ZNRF1: variants seen among roughly 807,000 people sequenced by gnomAD.
The protein encoded by ZNRF1 is zinc and ring finger 1, also known as E3 ubiquitin-protein ligase ZNRF1.
ZNRF1 carries 3 observed loss-of-function variants against 18.4 expected under a neutral mutation model. That is an observed-to-expected ratio of 0.16 (90% CI 0.07 to 0.42). The LOEUF is 0.42. Ranked by LOEUF, ZNRF1 falls within the 10% of genes least tolerant of loss-of-function variation. ZNRF1 has a pLI of 0.99. For missense variants in ZNRF1, 310 were observed against 329.8 expected (o/e 0.94, Z 0.47); for synonymous variants, 157 against 144.2 (o/e 1.09, Z -0.64).
At chr16:75,036,471 A>G (rs1209907912) in intron 1 of ZNRF1, among the ~76,000 whole-genome samples, 1 of 152,120 alleles carries the variant, frequency 6.6e-6, no homozygotes, top group Non-Finnish European at 1.5e-5. Context: ...CTTTGCCCCT[A>G]AACTGGAATG....
chr16:75,039,834 C>T (rs2035420114), intron 1 of ZNRF1, among the ~76,000 whole-genome samples: 1 of 152,076 alleles, frequency 6.6e-6, no homozygotes, highest in Admixed American at 6.5e-5. Context: ...TACAGTTCTA[C>T]CAGAAAGTAT....
intron 1 of ZNRF1, among the ~76,000 whole-genome samples, chr16:75,039,971 T>G (rs1014012222): frequency 1.3e-5 from 2 of 151,830 alleles, no homozygotes; most frequent in African/African-American, 4.8e-5. Flanking sequence ...ACATTATAAA[T>G]GTACAATGAG....
At chr16:75,036,583 T>C (rs888310565) in intron 1 of ZNRF1, among the ~76,000 whole-genome samples, 150 of 151,740 alleles carry the variant, frequency 9.9e-4, no homozygotes, top group African/African-American at 3.2e-3. Context: ...TTTTTTTTTT[T>C]CCCTCTCCTT....
At chr16:75,023,090 T>G (rs2035175068) in intron 1 of ZNRF1, among the ~76,000 whole-genome samples, 1 of 152,220 alleles carries the variant, frequency 6.6e-6, no homozygotes, top group African/African-American at 2.4e-5. Flanking sequence ...ATTGATTTTA[T>G]GCAGCTCTGT....
intron 1 of ZNRF1, among the ~76,000 whole-genome samples, chr16:75,033,317 T>C (rs967664271): frequency 4.0e-5 from 6 of 151,634 alleles, no homozygotes; most frequent in African/African-American, 1.5e-4. Context: ...TTTTATTGAA[T>C]TTAAGGATAA....
intron 1 of ZNRF1, among the ~76,000 whole-genome samples, chr16:75,048,401 G>A (rs1225520160): frequency 6.6e-6 from 1 of 152,132 alleles, no homozygotes; most frequent in Non-Finnish European, 1.5e-5. Context: ...ATATAAATTT[G>A]GGGAGGGACA....
At chr16:75,008,622 A>G (rs2034955059) in intron 1 of ZNRF1, among the ~76,000 whole-genome samples, 1 of 152,186 alleles carries the variant, frequency 6.6e-6, no homozygotes, top group Non-Finnish European at 1.5e-5. Context: ...TTGAACAAAA[A>G]CGTTCATTTA....
At chr16:75,058,288 T>C (rs2145383572) in intron 1 of ZNRF1, among the ~76,000 whole-genome samples, 1 of 152,128 alleles carries the variant, frequency 6.6e-6, no homozygotes, top group African/African-American at 2.4e-5. Context: ...TGCGGGAGCG[T>C]TTAGATCTGA....
rs77283496 is a variant in ZNRF1 at position 75,039,902 on chromosome 16, G to A, written c.424+39807G>A. ...CAGTTAGGGATCCTCCAGATGTTGT[G>A]GGATATTGGTTGTTACTGTTTTGAA... On this transcript the variant is annotated intron_variant, in intron 1 of 4. Transcript: ENST00000335325. Among the ~76,000 whole-genome samples, 93 of 152,190 alleles carry A rather than the reference G, an allele frequency of 6.1e-4. No homozygotes were observed. The East Asian group carries it at 0.016, about 26-fold the overall frequency.
intron 1 of ZNRF1, among the ~76,000 whole-genome samples, chr16:75,022,523 G>A (rs2035165777): frequency 6.6e-6 from 1 of 151,534 alleles, no homozygotes; most frequent in African/African-American, 2.4e-5. Flanking sequence ...CCGAGATTGT[G>A]CCACTGCACT....
At chr16:75,003,158 C>T (rs569677568) in intron 1 of ZNRF1, among the ~76,000 whole-genome samples, 1 of 152,328 alleles carries the variant, frequency 6.6e-6, no homozygotes, top group African/African-American at 2.4e-5. Context: ...GACGGGATTT[C>T]TCCATGTTTA....
At chr16:75,024,545 C>G (rs2035195978) in intron 1 of ZNRF1, among the ~76,000 whole-genome samples, 1 of 152,164 alleles carries the variant, frequency 6.6e-6, no homozygotes, top group Admixed American at 6.5e-5. Context: ...TCAGCAGTGG[C>G]TTGGGATTGA....
intron 1 of ZNRF1, among the ~76,000 whole-genome samples, chr16:75,057,184 C>T (rs2035679889): frequency 6.6e-6 from 1 of 152,220 alleles, no homozygotes; most frequent in Non-Finnish European, 1.5e-5. Flanking sequence ...CCCTGCCGTC[C>T]TGCTGCATGT....
At position 75,068,224 on chromosome 16, in the gene ZNRF1, C is replaced by T. The variant is rs2035827888; in HGVS notation, c.425-25348C>T. 2.0e-5 allele frequency among the ~76,000 whole-genome samples: 3 copies of T among 146,984 alleles called. No homozygotes were observed. In the South Asian group the frequency reaches 6.5e-4, roughly 32 times the overall value. On this transcript the variant is annotated intron_variant, in intron 1 of 4. Transcript: ENST00000335325. ...AAAAAAAAAAAAAAAATTAGCTGGG[C>T]ATGATTGCATGCACCTGTAGTCTCA...
At chr16:75,002,684 C>G (rs571456236) in intron 1 of ZNRF1, among the ~76,000 whole-genome samples, 14 of 152,184 alleles carry the variant, frequency 9.2e-5, no homozygotes, top group Non-Finnish European at 1.6e-4. Context: ...TGAGCCTTAT[C>G]TTTGTCGTTT....
At chr16:75,087,823 C>T (rs2036091809) in intron 1 of ZNRF1, among the ~76,000 whole-genome samples, 1 of 152,250 alleles carries the variant, frequency 6.6e-6, no homozygotes, top group African/African-American at 2.4e-5. Flanking sequence ...ACTGACATCT[C>T]CCTTCACTGA....
intron 2 of ZNRF1, among the ~76,000 whole-genome samples, chr16:75,102,094 C>T (rs1361143636): frequency 2.6e-5 from 4 of 152,156 alleles, no homozygotes; most frequent in African/African-American, 7.2e-5. Flanking sequence ...ACTTAAGGAT[C>T]GAATCGGTTC....
At chr16:75,073,678 T>C (rs1455678467) in intron 1 of ZNRF1, among the ~76,000 whole-genome samples, 1 of 152,168 alleles carries the variant, frequency 6.6e-6, no homozygotes. Context: ...ACGTGCACAT[T>C]TAATCCATTG....
At chr16:75,026,383 G>A (rs1369287879) in intron 1 of ZNRF1, among the ~76,000 whole-genome samples, 1 of 152,052 alleles carries the variant, frequency 6.6e-6, no homozygotes, top group Admixed American at 6.6e-5. Context: ...CCAACAGCAA[G>A]GTCAATGTTT....
Sources: allele counts gnomAD v4.1 joint callset (sites outside exome capture counted in the v4.1 genomes callset), GRCh38; gene constraint gnomAD v4.1.1; transcripts MANE v1.5; gene names NCBI Gene and HGNC (gene_info 2026-07-23, HGNC 2026-07-21).